The following GPA33 variants were observed in gnomAD, a reference collection of about 807,000 sequenced individuals.
GPA33 encodes cell surface A33 antigen.
A neutral mutation model predicts 35.6 loss-of-function variants in GPA33; 27 were observed. The ratio of observed to expected loss-of-function variants is 0.76; its 90% CI spans 0.56 to 1.04. GPA33 has a LOEUF of 1.04. Ranked by LOEUF, GPA33 falls within the 50% of genes least tolerant of loss-of-function variation. The pLI is 0.00. For synonymous variants in GPA33, 176 were observed against 164.0 expected (o/e 1.07, Z -0.56); for missense variants, 428 against 411.9 (o/e 1.04, Z -0.34).
intron 1 of GPA33, among the ~76,000 whole-genome samples, chr1:167,085,266 A>G (rs567961551): frequency 6.6e-6 from 1 of 152,342 alleles, no homozygotes; most frequent in African/African-American, 2.4e-5. Context: ...AGACATGGAA[A>G]CATCAAGGCC....
intron 5 of GPA33, 22 bp downstream of exon 5, chr1:167,055,708 T>G: frequency 6.2e-7 from 1 of 1,610,966 alleles, no homozygotes; most frequent in Non-Finnish European, 8.5e-7. Flanking sequence ...TTGTCAGCCC[T>G]CCCCCCGCAG....
intron 4 of GPA33, among the ~76,000 whole-genome samples, chr1:167,062,599 T>C (rs1666481452): frequency 6.6e-6 from 1 of 150,666 alleles, no homozygotes; most frequent in South Asian, 2.1e-4. Context: ...TCCACACCCA[T>C]TGGCTCTGGG....
chr1:167,073,256 C>T, intron 2 of GPA33, 129 bp downstream of exon 2: 2 of 750,622 alleles, frequency 2.7e-6, no homozygotes, highest in South Asian at 1.8e-5. Context: ...TCCCTCCCCA[C>T]CCACTCCAGC....
chr1:167,081,817 G>T (rs1158863029), intron 1 of GPA33, among the ~76,000 whole-genome samples: 2 of 152,206 alleles, frequency 1.3e-5, no homozygotes, highest in African/African-American at 4.8e-5. Context: ...CTGAGTCTCA[G>T]GCTTCTCTTA....
chr1:167,065,723 TCTC>T (rs1235885955), intron 3 of GPA33, among the ~76,000 whole-genome samples: 6 of 152,060 alleles, frequency 3.9e-5, no homozygotes, highest in Admixed American at 2.0e-4. Context: ...GTGCCCAACA[TCTC>T]CTGCTGCCAT....
At chr1:167,082,768 C>T (rs537095035) in intron 1 of GPA33, among the ~76,000 whole-genome samples, 15 of 152,310 alleles carry the variant, frequency 9.8e-5, no homozygotes, top group South Asian at 4.1e-4. Context: ...AACTTTGTGA[C>T]GGCCCTAATG....
rs539010991 is a variant in GPA33 at position 167,073,312 on chromosome 1, T to C, written c.198+73A>G. The C allele has an allele frequency of 3.1e-4, 399 of 1,271,478 alleles. 2 individuals carry two copies. The highest frequency in any genetic ancestry group is 4.4e-4 in the Non-Finnish European group (388 of 882,480). 78.8% of individuals were successfully genotyped at this position (1,271,478 alleles called of 1,614,324 possible). On this transcript the variant is annotated intron_variant, in intron 2 of 6. Coordinates refer to ENST00000367868, the MANE Select transcript of GPA33 (RefSeq NM_005814.3). Reference sequence around the variant, plus strand: ...TACCATTTATGGAAAGACTTCATAGTGCTTGCCTTCTAAGAGGTCCTGGTC... The same window carrying C: ...TACCATTTATGGAAAGACTTCATAGCGCTTGCCTTCTAAGAGGTCCTGGTC...
intron 6 of GPA33, 103 bp downstream of exon 6, chr1:167,054,873 A>G (rs780318346): frequency 5.2e-5 from 69 of 1,315,950 alleles, no homozygotes; most frequent in Non-Finnish European, 7.1e-5. Context: ...TGGGGGTGAT[A>G]TACCCCAAGG....
rs147059507 is a variant in GPA33 at position 167,069,119 on chromosome 1, G to A, written c.218C>T (p.Pro73Leu). 57 of 1,612,976 alleles carry A rather than the reference G, an allele frequency of 3.5e-5. No individual in the cohort carries two copies. The highest frequency in any genetic ancestry group is 1.7e-4 in the Admixed American group (10 of 59,978). Residue 73 changes from proline (P) to leucine (L), a missense_variant, in exon 3 of 7, where the codon CCG becomes CTG. Transcript: ENST00000367868. ...ATGGATGTAGTTTTTGTTTGAAAACGGCCAGATGACCACCCTTTCCTGGAG... is the reference window on the plus strand; with the variant it reads ...ATGGATGTAGTTTTTGTTTGAAAACAGCCAGATGACCACCCTTTCCTGGAG... ...LTHTERVVIW[P>L]FSNKNYIHGE...
rs1182412371 is a variant in GPA33, at chr1:167,063,632, C to T, written c.521G>A (p.Ser174Asn). 1 of 1,613,566 alleles carries T rather than the reference C, an allele frequency of 6.2e-7. No homozygotes were observed. Among genetic ancestry groups the T allele is most frequent in the African/African-American group, 1.3e-5 (1 of 75,022 alleles). Reference sequence around the variant, plus strand: ...ATTCAGGATGTTGTACCTCTTCCAGCTGTACTGAGGGGTTGGTGAGCCCTC... The same window carrying T: ...ATTCAGGATGTTGTACCTCTTCCAGTTGTACTGAGGGGTTGGTGAGCCCTC... The part of the protein sequence containing the change: ...SKEGSPTPQY[S>N]WKRYNILNQE... The change falls in exon 4 of 7, where the codon AGC becomes AAC. Residue 174 changes from serine to asparagine, a missense_variant. Physicochemically the swap from Ser to Asn is conservative, Grantham distance 46. Coordinates refer to ENST00000367868, the MANE Select transcript of GPA33 (RefSeq NM_005814.3).
intron 2 of GPA33, 58 bp from the exon 3 acceptor site, chr1:167,069,196 C>T: frequency 8.2e-7 from 1 of 1,226,068 alleles, no homozygotes; most frequent in Non-Finnish European, 1.2e-6. Flanking sequence ...CTGGTGCTTC[C>T]AGCCTGCCCT....
At chr1:167,077,929 A>G (rs994131514) in intron 1 of GPA33, among the ~76,000 whole-genome samples, 16 of 152,238 alleles carry the variant, frequency 1.1e-4, no homozygotes, top group African/African-American at 3.9e-4. Context: ...CCAAAAGGTT[A>G]AACCCTTTGC....
intron 1 of GPA33, among the ~76,000 whole-genome samples, chr1:167,089,362 C>G (rs1253169742): frequency 6.6e-6 from 1 of 152,150 alleles, no homozygotes; most frequent in Non-Finnish European, 1.5e-5. Context: ...CTCTTCTCCT[C>G]CCCGTTGCAG....
Position 167,090,264 on chromosome 1 carries a change from C to G in GPA33, c.24G>C (p.Val8=). 3.1e-6 allele frequency: 5 copies of G among 1,613,710 alleles called. No individual in the cohort carries two copies. The highest frequency in any genetic ancestry group is 4.2e-6 in the Non-Finnish European group (5 of 1,179,618). The change falls in exon 1 of 7, where the codon GTG becomes GTC. Residue 8 remains valine, a synonymous_variant. Transcript: ENST00000367868. MVGKMWP[V]LWTLCAVRVT... ...ACTCACCTGCACAGAGTGTCCACAA[C>G]ACAGGCCACATCTTCCCCACCATGG...
intron 5 of GPA33, 93 bp from the exon 6 acceptor site, chr1:167,055,204 T>C: frequency 8.0e-7 from 1 of 1,255,394 alleles, no homozygotes; most frequent in South Asian, 1.3e-5. Flanking sequence ...CAGCTTCTGG[T>C]AACACTCCAT....
chr1:167,070,046 G>C (rs1481382240), intron 2 of GPA33, among the ~76,000 whole-genome samples: 1 of 152,202 alleles, frequency 6.6e-6, no homozygotes, highest in Admixed American at 6.5e-5. Flanking sequence ...TGGTAAGTCA[G>C]GGGAGGCTTC....
rs964129039 is a variant in GPA33, at chr1:167,069,104, T to G, written c.233A>C (p.Asn78Thr). ...RVVIWPFSNKNYIHGELYKNR... is the reference protein window; with the variant it reads ...RVVIWPFSNKTYIHGELYKNR... ...CTTATAAAGCTCACCATGGATGTAG[T>G]TTTTGTTTGAAAACGGCCAGATGAC... is the stretch of plus-strand genomic sequence containing the variant. Residue 78 changes from asparagine to threonine, a missense_variant, in exon 3 of 7, where the codon AAC (asparagine) becomes ACC (threonine). By Grantham distance (65) the Asn-to-Thr change is moderately conservative. Transcript: ENST00000367868. The G allele has an allele frequency of 4.3e-6, 7 of 1,613,682 alleles. No homozygotes were observed. In the African/African-American group the frequency reaches 9.3e-5, roughly 22 times the overall value.
chr1:167,064,785 G>A (rs567113659), intron 3 of GPA33, among the ~76,000 whole-genome samples: 120 of 152,210 alleles, frequency 7.9e-4, no homozygotes, highest in Non-Finnish European at 1.5e-3. Flanking sequence ...TGCAGATAAC[G>A]TGCAGTTGCC....
intron 1 of GPA33, among the ~76,000 whole-genome samples, chr1:167,085,242 T>C (rs1346213886): frequency 6.6e-6 from 1 of 151,842 alleles, no homozygotes; most frequent in Non-Finnish European, 1.5e-5. Flanking sequence ...CAGAGGAGAA[T>C]GAGGCTGCTA....
Sources: allele counts gnomAD v4.1 joint callset (sites outside exome capture counted in the v4.1 genomes callset), GRCh38; gene constraint gnomAD v4.1.1; transcripts MANE v1.5; gene names NCBI Gene and HGNC (gene_info 2026-07-23, HGNC 2026-07-21).